CCDC14: variants seen among roughly 807,000 people sequenced by gnomAD.
CCDC14 encodes coiled-coil domain-containing protein 14.
A neutral mutation model predicts 81.4 loss-of-function variants in CCDC14; 71 were observed. The observed-to-expected ratio is 0.87, with a 90% CI of 0.72 to 1.06. CCDC14 has a LOEUF of 1.06. CCDC14 is among the 50% of genes least tolerant of loss of function. The pLI is 0.00. For missense variants in CCDC14, 1,046 were observed against 1,047.3 expected (o/e 1.00, Z 0.02); for synonymous variants, 332 against 364.8 (o/e 0.91, Z 1.03).
At position 123,933,692 on chromosome 3, in the gene CCDC14, A is replaced by G. The variant is rs1357315914; in HGVS notation, c.1407T>C (p.Ala469=). ...EQQKTQKPSG[A]VDCNLELFSL... ...ACCTACATTCAAGGTTGCAATCCAC[A>G]GCACCAGATGGTTTTTGAGTTTTCT... The change falls in exon 10 of 13, where the codon GCT becomes GCC. Residue 469 remains alanine (A), a synonymous_variant. Transcript: ENST00000409697. The G allele has an allele frequency of 1.3e-6, 2 of 1,573,946 alleles. No individual in the cohort carries two copies. Among genetic ancestry groups the G allele is most frequent in the East Asian group, 2.3e-5 (1 of 43,850 alleles).
intron 10 of CCDC14, among the ~76,000 whole-genome samples, chr3:123,932,549 C>T (rs1009740918): frequency 6.6e-6 from 1 of 151,940 alleles, no homozygotes; most frequent in African/African-American, 2.4e-5. Flanking sequence ...TATAATTTTG[C>T]TATGTAGAAA....
chr3:123,929,355 C>T (rs4677908), intron 12 of CCDC14, among the ~76,000 whole-genome samples: 6 of 151,774 alleles, frequency 4.0e-5, no homozygotes, highest in South Asian at 2.1e-4. Context: ...CTGTCGCCCA[C>T]GTTGGAATGC....
intron 12 of CCDC14, among the ~76,000 whole-genome samples, chr3:123,928,685 CA>C (rs1214167329): frequency 2.0e-5 from 3 of 152,040 alleles, no homozygotes; most frequent in Non-Finnish European, 4.4e-5. Flanking sequence ...GTTGAATAAA[CA>C]AACGAATCCA....
Position 123,949,001 on chromosome 3 carries a change from G to A in CCDC14, c.484C>T (p.Leu162Phe), listed in dbSNP as rs2036846509. 1.2e-6 allele frequency: 2 copies of A among 1,613,778 alleles called. No individual in the cohort carries two copies. The highest frequency in any genetic ancestry group is 2.2e-5 in the South Asian group (2 of 91,082). ...RMYSPIIYQA[L>F]CEHVQTQMSL... Reference sequence around the variant, plus strand: ...ATCTGAGTCTGCACGTGCTCACAGAGGGCTTGGTATATTATGGGTGAATAC... The same window carrying A: ...ATCTGAGTCTGCACGTGCTCACAGAAGGCTTGGTATATTATGGGTGAATAC... The change falls in exon 6 of 13, where the codon CTC (leucine) becomes TTC (phenylalanine). Residue 162 changes from leucine (L) to phenylalanine (F), a missense_variant. Coordinates refer to ENST00000409697, the MANE Select transcript of CCDC14 (RefSeq NM_001366335.1).
At chr3:123,926,145 GAT>G (rs1180983723) in intron 12 of CCDC14, among the ~76,000 whole-genome samples, 1 of 152,048 alleles carries the variant, frequency 6.6e-6, no homozygotes, top group Non-Finnish European at 1.5e-5. Flanking sequence ...TAAAATCAGA[GAT>G]AAAGAAAGGA....
At chr3:123,898,882 TTG>T (rs1370017293) in intron 5 of CCDC14, among the ~76,000 whole-genome samples, 1 of 53,252 alleles carries the variant, frequency 1.9e-5, no homozygotes, top group Non-Finnish European at 3.0e-5. Context: ...GTTTGTTTGG[TTG>T]TTTTTTTTTT....
the CCDC14 span, among the ~76,000 whole-genome samples, chr3:123,888,361 A>G: frequency 6.6e-6 from 1 of 152,308 alleles, no homozygotes; most frequent in South Asian, 2.1e-4. Flanking sequence ...TGGTCCAGAC[A>G]GTTTTTCAAA....
chr3:123,909,472 T>C (rs1035557134), downstream of CCDC14, among the ~76,000 whole-genome samples: 8 of 152,114 alleles, frequency 5.3e-5, no homozygotes, highest in Non-Finnish European at 1.2e-4. Context: ...TTAAAACAAG[T>C]TTTAGTAATG....
chr3:123,892,530 A>C (rs1176342166), downstream of CCDC14, among the ~76,000 whole-genome samples: 1 of 152,174 alleles, frequency 6.6e-6, no homozygotes, highest in African/African-American at 2.4e-5. Context: ...GGCTCCACTC[A>C]TGCAAATTTC....
At chr3:123,934,514 T>C (rs995401874) in intron 9 of CCDC14, among the ~76,000 whole-genome samples, 5 of 152,164 alleles carry the variant, frequency 3.3e-5, no homozygotes, top group Non-Finnish European at 7.4e-5. Context: ...ATCTGCCTGA[T>C]GTTTGTCATA....
At chr3:123,922,720 G>A (rs146675828) in intron 12 of CCDC14, among the ~76,000 whole-genome samples, 1 of 152,130 alleles carries the variant, frequency 6.6e-6, no homozygotes, top group East Asian at 1.9e-4. Context: ...TCTTAATAAA[G>A]TCTCCCACCA....
chr3:123,915,748 T>A (rs759174063), intron 12 of CCDC14, 30 bp from the exon 13 acceptor site: 5 of 1,485,144 alleles, frequency 3.4e-6, no homozygotes, highest in Non-Finnish European at 4.6e-6. Context: ...ACACTAATTA[T>A]TATTTTTTAC....
chr3:123,956,677 T>C (rs2037344693), intron 2 of CCDC14, 63 bp downstream of exon 2: 11 of 1,328,730 alleles, frequency 8.3e-6, no homozygotes, highest in Non-Finnish European at 1.2e-5. Flanking sequence ...CGACATGTCA[T>C]CCAGCCCAAA....
At chr3:123,909,100 CCTTA>C (rs945245108), downstream of CCDC14, among the ~76,000 whole-genome samples, 3 of 151,962 alleles carry the variant, frequency 2.0e-5, no homozygotes, top group Non-Finnish European at 4.4e-5. Context: ...TTTTGGAGCT[CCTTA>C]CTTTTAAAAT....
chr3:123,928,930 C>T (rs1451997000), intron 12 of CCDC14, among the ~76,000 whole-genome samples: 1 of 152,052 alleles, frequency 6.6e-6, no homozygotes, highest in African/African-American at 2.4e-5. Flanking sequence ...ATCTTCCCTC[C>T]ATAGATGAGG....
At chr3:123,937,263 T>A (rs976298064) in intron 9 of CCDC14, among the ~76,000 whole-genome samples, 1 of 152,054 alleles carries the variant, frequency 6.6e-6, no homozygotes, top group Non-Finnish European at 1.5e-5. Context: ...ACTGCCAAAC[T>A]TTTTTTCCAA....
chr3:123,929,113 C>T (rs569697944), intron 12 of CCDC14, among the ~76,000 whole-genome samples: 4 of 152,244 alleles, frequency 2.6e-5, no homozygotes, highest in East Asian at 1.9e-4. Flanking sequence ...TCCGCTTCAT[C>T]GGATTTTCTG....
chr3:123,949,950 C>T (rs1281406409), intron 5 of CCDC14, among the ~76,000 whole-genome samples: 2 of 152,226 alleles, frequency 1.3e-5, no homozygotes, highest in Non-Finnish European at 2.9e-5. Context: ...CCACAAGTTT[C>T]TCTAAGCAGG....
intron 5 of CCDC14, among the ~76,000 whole-genome samples, chr3:123,899,995 T>C (rs1200631314): frequency 1.3e-5 from 2 of 152,194 alleles, no homozygotes; most frequent in Non-Finnish European, 2.9e-5. Flanking sequence ...TCCAATAACA[T>C]GTGCCTCATA....
Sources: gnomAD v4.1 joint callset for allele counts (sites outside exome capture counted in the v4.1 genomes callset) on GRCh38, gnomAD v4.1.1 for gene constraint, MANE v1.5 for transcripts, NCBI Gene and HGNC (gene_info 2026-07-23, HGNC 2026-07-21) for gene names.